The following SDC1 variants were observed in gnomAD, a reference collection of about 807,000 sequenced individuals.
SDC1 encodes the protein syndecan-1.
A neutral mutation model predicts 29.7 loss-of-function variants in SDC1; 14 were observed. That is an observed-to-expected ratio of 0.47 (90% CI 0.31 to 0.74). The LOEUF (loss-of-function observed/expected upper bound fraction) is 0.74, where lower values mean the gene tolerates loss of function less well. SDC1 is among the 30% of genes least tolerant of loss of function. The pLI, the probability that SDC1 is intolerant of heterozygous loss-of-function variation, is 0.05. For synonymous variants in SDC1, 204 were observed against 175.5 expected (o/e 1.16, Z -1.29); for missense variants, 406 against 400.3 (o/e 1.01, Z -0.12).
intron 1 of SDC1, among the ~76,000 whole-genome samples, 182 bp from the exon 2 acceptor site, chr2:20,205,606 C>T (rs1173173531): frequency 6.6e-6 from 1 of 152,184 alleles, no homozygotes; most frequent in African/African-American, 2.4e-5. Context: ...CCCCAGGCCC[C>T]ATCCCCTGAT....
rs1676990616 is a variant in SDC1, at chr2:20,201,068, G to GT, written c.*1697dup. Reference sequence around the variant, plus strand: ...CGCTGAAACGTTGTCAAATAAGCAAGTAAGTGCAGGAGCCCTGGGCTGGGG... The same window carrying GT: ...CGCTGAAACGTTGTCAAATAAGCAAGTTAAGTGCAGGAGCCCTGGGCTGGGG... On this transcript the variant is annotated 3_prime_UTR_variant, in exon 5 of 5. Transcript: ENST00000254351. 2 of 152,264 alleles carry GT rather than the reference G, an allele frequency of 1.3e-5. No homozygotes were observed. Among genetic ancestry groups the GT allele is most frequent in the African/African-American group, 4.8e-5 (2 of 41,450 alleles). 9.4% of individuals were successfully genotyped at this position (152,264 alleles called of 1,614,324 possible).
chr2:20,205,507 G>A (rs1196036206), intron 1 of SDC1, 83 bp from the exon 2 acceptor site: 37 of 1,087,750 alleles, frequency 3.4e-5, no homozygotes, highest in Non-Finnish European at 4.8e-5. Context: ...ACAGCTGAGT[G>A]GACTCACCCT....
chr2:20,225,072 C>G lies in SDC1; in HGVS notation c.-205G>C. On this transcript the variant is annotated 5_prime_UTR_variant, in exon 1 of 5. Coordinates refer to ENST00000254351, the MANE Select transcript of SDC1 (RefSeq NM_002997.5). ...CGGCTCGGATTCGGCCCGCACCTCT[C>G]CCGCCGAGCTCCGCCTTATAATAAA... 3.9e-6 allele frequency: 2 copies of G among 515,194 alleles called. No homozygotes were observed. The highest frequency in any genetic ancestry group is 5.7e-6 in the Non-Finnish European group (2 of 353,568). 31.9% of individuals were successfully genotyped at this position (515,194 alleles called of 1,614,324 possible).
chr2:20,213,964 C>T (rs570232574), intron 1 of SDC1, among the ~76,000 whole-genome samples: 4 of 152,276 alleles, frequency 2.6e-5, no homozygotes, highest in Middle Eastern at 3.4e-3. Context: ...TGCACAATAT[C>T]CCTTTGAAAA....
Position 20,225,029 on chromosome 2 carries a change from G to T in SDC1, c.-162C>A. ...CGCCGGCTGGAGTCCGCTCTCTACT[G>T]CCGGATTCCTCTCCGCTCGGCTCGG... On this transcript the variant is annotated 5_prime_UTR_variant, in exon 1 of 5. Transcript: ENST00000254351. 2.3e-6 allele frequency: 2 copies of T among 861,648 alleles called. No homozygotes were observed. Among genetic ancestry groups the T allele is most frequent in the Non-Finnish European group, 3.0e-6 (2 of 668,378 alleles). The allele number at this position is 861,648 out of a possible 1,614,324, so 53.4% of individuals were successfully genotyped here. A position where few individuals can be genotyped will look rare whatever the true frequency, so the allele number is the denominator to read the frequency against.
Position 20,202,215 on chromosome 2 carries a change from C to A in SDC1, c.*551G>T. On this transcript the variant is annotated 3_prime_UTR_variant, in exon 5 of 5. Transcript: ENST00000254351. Reference sequence around the variant, plus strand: ...TAACTTACCTCAGAAGTAACAAGGTCTACTGGGCTATGAACAAAGAACTAG... The same window carrying A: ...TAACTTACCTCAGAAGTAACAAGGTATACTGGGCTATGAACAAAGAACTAG... 1.3e-6 allele frequency: 1 copy of A among 765,012 alleles called. No homozygotes were observed. The highest frequency in any genetic ancestry group is 2.4e-6 in the Non-Finnish European group (1 of 411,830). The allele number at this position is 765,012 out of a possible 1,614,324, so 47.4% of individuals were successfully genotyped here. A position where few individuals can be genotyped will look rare whatever the true frequency, so the allele number is the denominator to read the frequency against.
rs778770732 is a variant in SDC1, at chr2:20,202,867, T to C, written c.832A>G (p.Met278Val). The C allele has an allele frequency of 1.2e-6, 2 of 1,613,848 alleles. No individual in the cohort carries two copies. The highest frequency in any genetic ancestry group is 1.7e-6 in the Non-Finnish European group (2 of 1,179,922). The change falls in exon 5 of 5, where the codon ATG (methionine) becomes GTG (valine). Residue 278 changes from methionine (M) to valine (V), a missense_variant. Physicochemically the swap from Met to Val is conservative, Grantham distance 21. Coordinates refer to ENST00000254351, the MANE Select transcript of SDC1 (RefSeq NM_002997.5). ...VCLVGFMLYR[M>V]KKKDEGSYSL... is the part of the protein sequence containing the mutation. Reference sequence around the variant, plus strand: ...TAGCTGCCTTCGTCCTTCTTCTTCATGCGGTACAGCATGAAACCCACCAGG... The same window carrying C: ...TAGCTGCCTTCGTCCTTCTTCTTCACGCGGTACAGCATGAAACCCACCAGG...
chr2:20,222,193 C>T (rs1677844719), intron 1 of SDC1, among the ~76,000 whole-genome samples: 1 of 152,180 alleles, frequency 6.6e-6, no homozygotes, highest in South Asian at 2.1e-4. Context: ...CCTCTCCTAG[C>T]AGCCTCCCCT....
At chr2:20,217,912 C>T (rs888502538) in intron 1 of SDC1, among the ~76,000 whole-genome samples, 2 of 152,192 alleles carry the variant, frequency 1.3e-5, no homozygotes, top group Admixed American at 1.3e-4. Flanking sequence ...CACCCAGGCA[C>T]CTCTGTCCAC....
Position 20,202,813 on chromosome 2 carries a change from C to A in SDC1, c.886G>T (p.Gly296Cys). Reference protein sequence around the residue: ...YSLEEPKQANGGAYQKPTKQE... With the variant: ...YSLEEPKQANCGAYQKPTKQE... The stretch of plus-strand genomic sequence containing the variant: ...TTGGTGGGCTTCTGGTAGGCCCCGC[C>A]GTTGGCTTGTTTCGGCTCCTCCAAG... The change falls in exon 5 of 5, where the codon GGC becomes TGC. Residue 296 changes from glycine (G) to cysteine (C), a missense_variant. Coordinates refer to ENST00000254351, the MANE Select transcript of SDC1 (RefSeq NM_002997.5). 6 of 1,613,424 alleles carry A rather than the reference C, an allele frequency of 3.7e-6. No homozygotes were observed. Among genetic ancestry groups the A allele is most frequent in the Non-Finnish European group, 5.1e-6 (6 of 1,179,710 alleles).
chr2:20,208,177 A>C, intron 1 of SDC1: 1 of 952,646 alleles, frequency 1.0e-6, no homozygotes, highest in Non-Finnish European at 1.2e-6. Flanking sequence ...CCCATGTACA[A>C]CCTGGGAGAC....
At chr2:20,215,270 G>A (rs1369173955) in intron 1 of SDC1, among the ~76,000 whole-genome samples, 1 of 152,254 alleles carries the variant, frequency 6.6e-6, no homozygotes, top group Non-Finnish European at 1.5e-5. Flanking sequence ...GCCCCTGCCA[G>A]GGTGCCCCAA....
Position 20,202,321 on chromosome 2 carries a change from A to G in SDC1, c.*445T>C. 1.3e-6 allele frequency: 1 copy of G among 775,930 alleles called. No individual in the cohort carries two copies. Among genetic ancestry groups the G allele is most frequent in the Non-Finnish European group, 2.4e-6 (1 of 416,806 alleles). 48.1% of individuals were successfully genotyped at this position (775,930 alleles called of 1,614,324 possible). ...AGTGGACTCCTGTCCCCTGCCACTC[A>G]GCGGCCACCCCCCCAAGATGCTTGG... On this transcript the variant is annotated 3_prime_UTR_variant, in exon 5 of 5. Transcript: ENST00000254351.
At chr2:20,204,442 A>C in intron 2 of SDC1, 151 bp from the exon 3 acceptor site, 15 of 645,420 alleles carry the variant, frequency 2.3e-5, no homozygotes, top group Non-Finnish European at 3.6e-5. Context: ...AAGGCAGCTG[A>C]GGCTAAGCTC....
At chr2:20,223,403 C>A in intron 1 of SDC1, 1 of 642,136 alleles carries the variant, frequency 1.6e-6, no homozygotes, top group South Asian at 1.6e-5. Flanking sequence ...AACCCGAGTG[C>A]CCACCCCGCC....
In SDC1 at chr2:20,203,893, C is replaced by T. The variant is rs778306806; in HGVS notation, c.547G>A (p.Gly183Arg). Reference protein sequence around the residue: ...ADLHTPHTEDGGPSATERAAE... With the variant: ...ADLHTPHTEDRGPSATERAAE... ...GCCCTCTCGGTGGCAGAAGGACCTCCATCCTCTGTGTGGGGAGTGTGAAGG... is the reference window on the plus strand; with the variant it reads ...GCCCTCTCGGTGGCAGAAGGACCTCTATCCTCTGTGTGGGGAGTGTGAAGG... Residue 183 changes from glycine to arginine, a missense_variant, in exon 3 of 5, where the codon GGA becomes AGA. Coordinates refer to ENST00000254351, the MANE Select transcript of SDC1 (RefSeq NM_002997.5). 5 of 1,612,128 alleles carry T rather than the reference C, an allele frequency of 3.1e-6. No homozygotes were observed. The highest frequency in any genetic ancestry group is 1.1e-5 in the South Asian group (1 of 90,916).
Position 20,202,952 on chromosome 2 carries a change from G to C in SDC1, c.764-17C>G. 6.3e-7 allele frequency: 1 copy of C among 1,596,996 alleles called. No individual in the cohort carries two copies. The highest frequency in any genetic ancestry group is 8.6e-7 in the Non-Finnish European group (1 of 1,169,114). ...CAATGACCCCTAGGGCAGGTAGACG[G>C]GGCCAGCTCAGCTCAGCGGCTCCTT... On this transcript the variant is annotated splice_polypyrimidine_tract_variant and intron_variant, in intron 4 of 4. Transcript: ENST00000254351.
intron 1 of SDC1, among the ~76,000 whole-genome samples, chr2:20,214,451 G>C (rs1677571452): frequency 6.6e-6 from 1 of 152,192 alleles, no homozygotes; most frequent in African/African-American, 2.4e-5. Flanking sequence ...TCTCTGAAGA[G>C]GGAGAAGCCA....
chr2:20,218,697 A>G (rs916580495), intron 1 of SDC1, among the ~76,000 whole-genome samples: 2 of 151,582 alleles, frequency 1.3e-5, no homozygotes, highest in Non-Finnish European at 1.5e-5. Flanking sequence ...ACGCACACAA[A>G]CACAAAGAGA....
Sources: allele counts gnomAD v4.1 joint callset (sites outside exome capture counted in the v4.1 genomes callset), GRCh38; gene constraint gnomAD v4.1.1; transcripts MANE v1.5; gene names NCBI Gene and HGNC (gene_info 2026-07-23, HGNC 2026-07-21).